Variants in ADCY5 observed in about 807,000 individuals in gnomAD.
ADCY5 encodes adenylate cyclase type 5.
ADCY5 carries 30 observed loss-of-function variants against 119.7 expected under a neutral mutation model. That is an observed-to-expected ratio of 0.25 (90% confidence interval 0.19 to 0.34). The LOEUF (loss-of-function observed/expected upper bound fraction) is 0.34. ADCY5 is among the 10% of genes least tolerant of loss of function. ADCY5 has a pLI of 1.00. For missense variants in ADCY5, 1,324 were observed against 1,775.2 expected, an observed-to-expected ratio of 0.75 and a Z score of 4.57; for synonymous variants, 753 against 762.2, an observed-to-expected ratio of 0.99 and a Z score of 0.20.
chr3:123,284,573 AG>A lies in ADCY5; in HGVS notation c.*34del, dbSNP rs761621256. 5 of 1,612,744 alleles carry A rather than the reference AG, an allele frequency of 3.1e-6. No homozygotes were observed. The highest frequency in any genetic ancestry group is 4.2e-6 in the Non-Finnish European group (5 of 1,178,990). On this transcript the variant is annotated 3_prime_UTR_variant, in exon 21 of 21. Transcript: ENST00000462833. The stretch of plus-strand genomic sequence containing the variant: ...AGAGAAGCTGCTTCCATGCCTCTGG[AG>A]GCCAGGCTGCCTGGCACCATTGGCC...
intron 17 of ADCY5, among the ~76,000 whole-genome samples, chr3:123,295,033 C>G (rs1425478962): frequency 6.6e-6 from 1 of 152,172 alleles, no homozygotes; most frequent in Non-Finnish European, 1.5e-5. Context: ...TGCACAGAAC[C>G]CTTCTGGGAT....
chr3:123,405,996 A>G (rs1242150937), intron 1 of ADCY5, among the ~76,000 whole-genome samples: 1 of 152,140 alleles, frequency 6.6e-6, no homozygotes, highest in Non-Finnish European at 1.5e-5. Flanking sequence ...GGAGGGACCG[A>G]CTGCTCTTCC....
At chr3:123,386,527 T>C (rs184154970) in intron 1 of ADCY5, among the ~76,000 whole-genome samples, 1 of 152,348 alleles carries the variant, frequency 6.6e-6, no homozygotes. Flanking sequence ...TTATGCCTAT[T>C]GTCTGGAACA....
intron 1 of ADCY5, among the ~76,000 whole-genome samples, chr3:123,420,871 A>C (rs1003103978): frequency 2.6e-5 from 4 of 152,196 alleles, no homozygotes; most frequent in Non-Finnish European, 5.9e-5. Flanking sequence ...GTTTCCCCAG[A>C]AGGAAAAATC....
intron 7 of ADCY5, among the ~76,000 whole-genome samples, chr3:123,325,774 C>A (rs1361388822): frequency 1.3e-5 from 2 of 152,236 alleles, no homozygotes; most frequent in Admixed American, 6.5e-5. Flanking sequence ...CCTGTAAGTT[C>A]GACTGTAAGA....
intron 1 of ADCY5, among the ~76,000 whole-genome samples, chr3:123,360,335 C>A (rs555896459): frequency 1.3e-5 from 2 of 152,272 alleles, no homozygotes; most frequent in African/African-American, 4.8e-5. Flanking sequence ...CCTCTCCTTT[C>A]CAGCTAGGAT....
At chr3:123,288,493 T>C (rs1938926020) in intron 19 of ADCY5, among the ~76,000 whole-genome samples, 3 of 152,178 alleles carry the variant, frequency 2.0e-5, no homozygotes, top group Admixed American at 6.5e-5. Context: ...GTCAGCTTTC[T>C]ATTGCAAAAC....
At chr3:123,412,158 G>T (rs1157435356) in intron 1 of ADCY5, among the ~76,000 whole-genome samples, 2 of 152,188 alleles carry the variant, frequency 1.3e-5, no homozygotes, top group Non-Finnish European at 2.9e-5. Flanking sequence ...TAGACCTCGA[G>T]GCTTCCTGAC....
intron 14 of ADCY5, among the ~76,000 whole-genome samples, chr3:123,300,803 G>A (rs1013454498): frequency 3.3e-5 from 5 of 152,214 alleles, no homozygotes; most frequent in Admixed American, 2.6e-4. Flanking sequence ...ACGCCTGAAC[G>A]GAGCTGCTCT....
Position 123,396,642 on chromosome 3 carries a change from GAC to G in ADCY5, c.1135-44063_1135-44062del, listed in dbSNP as rs1211710283. Among the ~76,000 whole-genome samples the G allele has an allele frequency of 6.6e-4, 94 of 142,268 alleles. 2 individuals carry two copies. The highest frequency in any genetic ancestry group is 2.3e-3 in the African/African-American group (88 of 37,620). 93.3% of individuals were successfully genotyped at this position (142,268 alleles called of 152,430 possible). ...AAGAAGGGAGGGAGGGAGGGAAGGA[GAC>G]AGAAAGAGAGAGAGAGGGAAAGACG... On this transcript the variant is annotated intron_variant, in intron 1 of 20. Transcript: ENST00000462833.
At chr3:123,307,675 C>T (rs1446545181) in intron 12 of ADCY5, among the ~76,000 whole-genome samples, 1 of 152,148 alleles carries the variant, frequency 6.6e-6, no homozygotes, top group Non-Finnish European at 1.5e-5. Context: ...CTCCTATTTG[C>T]CCTATGTTGT....
chr3:123,296,926 C>A, intron 16 of ADCY5: 1 of 1,475,654 alleles, frequency 6.8e-7, no homozygotes, highest in South Asian at 1.3e-5. Context: ...CGCCCCTTGC[C>A]CAGGCAGCAG....
chr3:123,282,758 T>C lies in ADCY5; in HGVS notation c.*1850A>G, dbSNP rs1045695540. ...CTTTGCTTCTCAGAGCTGTGTTCAG[T>C]TGGTGTGCGGGGAGGGGAGGGTGGT... is the stretch of plus-strand genomic sequence containing the variant. On this transcript the variant is annotated 3_prime_UTR_variant, in exon 21 of 21. Transcript: ENST00000462833. 1.3e-5 allele frequency: 2 copies of C among 152,224 alleles called. No homozygotes were observed. The highest frequency in any genetic ancestry group is 2.9e-5 in the Non-Finnish European group (2 of 68,094). The allele number at this position is 152,224 out of a possible 1,614,324, so 9.4% of individuals were successfully genotyped here. A position where few individuals can be genotyped will look rare whatever the true frequency, so the allele number is the denominator to read the frequency against.
chr3:123,282,746 A>C lies in ADCY5; in HGVS notation c.*1862T>G, dbSNP rs553014278. The stretch of plus-strand genomic sequence containing the variant: ...TGGGTCCACACACTTTGCTTCTCAG[A>C]GCTGTGTTCAGTTGGTGTGCGGGGA... On this transcript the variant is annotated 3_prime_UTR_variant, in exon 21 of 21. Coordinates refer to ENST00000462833, the MANE Select transcript of ADCY5 (RefSeq NM_183357.3). 1.1e-4 allele frequency: 17 copies of C among 152,440 alleles called. No homozygotes were observed. Among genetic ancestry groups the C allele is most frequent in the Admixed American group, 5.9e-4 (9 of 15,302 alleles). 9.4% of individuals were successfully genotyped at this position (152,440 alleles called of 1,614,324 possible). A position where few individuals can be genotyped will look rare whatever the true frequency, so the allele number is the denominator to read the frequency against.
intron 20 of ADCY5, among the ~76,000 whole-genome samples, chr3:123,285,837 G>A (rs142444882): frequency 0.013 from 1,904 of 152,294 alleles, 40 homozygotes; most frequent in African/African-American, 0.044. Context: ...CAGGCCCCTC[G>A]GCCAGCATCC....
intron 2 of ADCY5, among the ~76,000 whole-genome samples, chr3:123,348,122 G>A (rs1229791058): frequency 7.4e-6 from 1 of 134,342 alleles, no homozygotes; most frequent in African/African-American, 2.8e-5. Flanking sequence ...CCCTCCCCGG[G>A]ACACCAGCTA....
In ADCY5 at chr3:123,410,248, G is replaced by T. The variant is rs72966554; in HGVS notation, c.1134+37164C>A. Among the ~76,000 whole-genome samples, 462 of 152,296 alleles carry T rather than the reference G, an allele frequency of 3.0e-3. 4 individuals carry two copies. Among genetic ancestry groups the T allele is most frequent in the African/African-American group, 0.011 (444 of 41,560 alleles). Reference sequence around the variant, plus strand: ...AGAGTGACTGGAAGCTTCCCTTGTAGAACTCCTCAGGAAACAGCCCACAAA... The same window carrying T: ...AGAGTGACTGGAAGCTTCCCTTGTATAACTCCTCAGGAAACAGCCCACAAA... On this transcript the variant is annotated intron_variant, in intron 1 of 20. Transcript: ENST00000462833.
At position 123,370,208 on chromosome 3, in the gene ADCY5, T is replaced by C. The variant is rs180689430; in HGVS notation, c.1135-17627A>G. Among the ~76,000 whole-genome samples the C allele has an allele frequency of 4.1e-4, 63 of 152,326 alleles. 1 individual carries two copies. In the South Asian group the frequency reaches 0.013, roughly 31 times the overall value. ...AGGCCCCTGGAAATATATTCTCAGT[T>C]TGAAGTCCAAGTGATGGACTATAGA... On this transcript the variant is annotated intron_variant, in intron 1 of 20. Coordinates refer to ENST00000462833, the MANE Select transcript of ADCY5 (RefSeq NM_183357.3).
intron 1 of ADCY5, among the ~76,000 whole-genome samples, chr3:123,373,610 T>A (rs908591926): frequency 4.6e-5 from 7 of 152,244 alleles, no homozygotes; most frequent in African/African-American, 1.7e-4. Context: ...GTCCCTGTTG[T>A]GAGCACCCCA....
Sources: allele counts gnomAD v4.1 joint callset (sites outside exome capture counted in the v4.1 genomes callset), GRCh38; gene constraint gnomAD v4.1.1; transcripts MANE v1.5; gene names NCBI Gene and HGNC (gene_info 2026-07-23, HGNC 2026-07-21).